PRKN: variants seen among roughly 807,000 people sequenced by gnomAD.
The protein encoded by PRKN is E3 ubiquitin-protein ligase parkin.
A neutral mutation model predicts 59.5 loss-of-function variants in PRKN; 56 were observed. The ratio of observed to expected loss-of-function variants is 0.94; its 90% CI spans 0.76 to 1.18. PRKN has a LOEUF of 1.18. Among genes scored for constraint, PRKN ranks in the 50% most tolerant of loss-of-function variants. The pLI is 0.00. For synonymous variants in PRKN, 250 were observed against 222.1 expected (o/e 1.13, Z -1.12); for missense variants, 657 against 596.4 (o/e 1.10, Z -1.06).
intron 8 of PRKN, among the ~76,000 whole-genome samples, chr6:161,553,553 C>T (rs2115440719): frequency 6.6e-6 from 1 of 152,238 alleles, no homozygotes; most frequent in Non-Finnish European, 1.5e-5. Context: ...GAAAGCTTAG[C>T]AGTCATTAAT....
chr6:161,418,218 G>A lies in PRKN; in HGVS notation c.1084-31341C>T, dbSNP rs572296463. Among the ~76,000 whole-genome samples the A allele has an allele frequency of 2.6e-5, 4 of 152,332 alleles. No homozygotes were observed. The East Asian group carries it at 7.7e-4, about 29-fold the overall frequency. ...AATGAGTTAGACAGATAACGTGTTT[G>A]AAGCAGCCTCTGCCAATCTGTTTAC... is the stretch of plus-strand genomic sequence containing the variant. On this transcript the variant is annotated intron_variant, in intron 9 of 11. Transcript: ENST00000366898.
intron 4 of PRKN, among the ~76,000 whole-genome samples, chr6:162,097,682 A>G (rs1779801480): frequency 6.6e-6 from 1 of 152,204 alleles, no homozygotes; most frequent in Non-Finnish European, 1.5e-5. Flanking sequence ...AAAAAATGTG[A>G]GCACACAGCC....
chr6:162,469,361 G>A (rs1440050971), intron 1 of PRKN, among the ~76,000 whole-genome samples: 1 of 134,366 alleles, frequency 7.4e-6, no homozygotes, highest in Non-Finnish European at 1.6e-5. Context: ...GGGGGGGGTG[G>A]GTGACAGAGG....
intron 7 of PRKN, among the ~76,000 whole-genome samples, chr6:161,769,593 G>A (rs1789577570): frequency 6.6e-6 from 1 of 152,138 alleles, no homozygotes; most frequent in South Asian, 2.1e-4. Context: ...GTCCATTACT[G>A]AGACTCCCTC....
intron 1 of PRKN, among the ~76,000 whole-genome samples, chr6:162,522,868 T>A (rs1020050777): frequency 1.3e-5 from 2 of 152,108 alleles, no homozygotes; most frequent in Admixed American, 1.3e-4. Flanking sequence ...AGAAGGCATT[T>A]CAGTTGGACC....
intron 5 of PRKN, among the ~76,000 whole-genome samples, chr6:162,013,997 AGG>A (rs1782834212): frequency 6.6e-6 from 1 of 152,042 alleles, no homozygotes; most frequent in Non-Finnish European, 1.5e-5. Context: ...TACATTAACA[AGG>A]TTCCAAAGGT....
chr6:162,654,625 C>A (rs1778569322), intron 1 of PRKN, among the ~76,000 whole-genome samples: 1 of 152,174 alleles, frequency 6.6e-6, no homozygotes, highest in Non-Finnish European at 1.5e-5. Context: ...CTGATTCATT[C>A]AAGAGAAAAC....
At position 161,359,380 on chromosome 6, in the gene PRKN, C is replaced by T. The variant is rs1784890561; in HGVS notation, c.1285+708G>A. 6.6e-6 allele frequency among the ~76,000 whole-genome samples: 1 copy of T among 152,228 alleles called. No homozygotes were observed. ...GCCGGGCTTCCCTCCCGCAAGTCAG[C>T]TCTGGGCAACCTGCCAGCCAGGGCG... On this transcript the variant is annotated intron_variant, in intron 11 of 11. Coordinates refer to ENST00000366898, the MANE Select transcript of PRKN (RefSeq NM_004562.3). This position sits in a 1 kb window ranked among gnomAD's most constrained non-coding sequence, Gnocchi z 5.4.
intron 7 of PRKN, among the ~76,000 whole-genome samples, chr6:161,589,536 C>G (rs1781639567): frequency 6.6e-6 from 1 of 151,226 alleles, no homozygotes; most frequent in East Asian, 1.9e-4. Context: ...AGGTAGATAA[C>G]TCGTGGTCAA....
chr6:161,465,962 T>C (rs556778690), intron 9 of PRKN, among the ~76,000 whole-genome samples: 11 of 152,224 alleles, frequency 7.2e-5, no homozygotes, highest in Non-Finnish European at 1.2e-4. Flanking sequence ...ATAATAATCA[T>C]ATATTCAACA....
At chr6:162,400,969 G>A (rs1160233714) in intron 2 of PRKN, among the ~76,000 whole-genome samples, 1 of 151,994 alleles carries the variant, frequency 6.6e-6, no homozygotes, top group Non-Finnish European at 1.5e-5. Context: ...AATAAAATAG[G>A]AAATCCAAAT....
chr6:161,796,893 A>G (rs1790873069), intron 6 of PRKN, among the ~76,000 whole-genome samples: 1 of 152,230 alleles, frequency 6.6e-6, no homozygotes. Context: ...CTCTGTGCAA[A>G]ACAGCTAGAA....
intron 1 of PRKN, among the ~76,000 whole-genome samples, chr6:162,469,821 C>T (rs148092452): frequency 1.3e-3 from 205 of 152,024 alleles, no homozygotes; most frequent in African/African-American, 4.7e-3. Flanking sequence ...TCTCACAAAT[C>T]GCTACTAAAG....
rs982444240 is a variant in PRKN, at chr6:161,529,473, C to T, written c.1083+19381G>A. ...CCTCCTTTTGTAGAGGAACGGGAAA[C>T]AGTGGCACAGGAAAGGTGAAATGGC... On this transcript the variant is annotated intron_variant, in intron 9 of 11. Coordinates refer to ENST00000366898, the MANE Select transcript of PRKN (RefSeq NM_004562.3). The surrounding 1 kb of genome is among the most constrained non-coding windows in gnomAD (Gnocchi z 4.4). 2.0e-5 allele frequency among the ~76,000 whole-genome samples: 3 copies of T among 152,184 alleles called. No individual in the cohort carries two copies. The highest frequency in any genetic ancestry group is 6.5e-5 in the Admixed American group (1 of 15,276).
At chr6:161,761,103 C>T (rs1286865811) in intron 7 of PRKN, among the ~76,000 whole-genome samples, 3 of 152,188 alleles carry the variant, frequency 2.0e-5, no homozygotes, top group African/African-American at 7.2e-5. Flanking sequence ...AAATTAATGT[C>T]CCAGTCCTAA....
At chr6:162,258,512 C>T (rs562422919) in intron 3 of PRKN, among the ~76,000 whole-genome samples, 4 of 137,904 alleles carry the variant, frequency 2.9e-5, no homozygotes, top group Non-Finnish European at 4.5e-5. Context: ...TGCAGCTCAA[C>T]GTTCTTATTG....
intron 9 of PRKN, among the ~76,000 whole-genome samples, chr6:161,437,805 G>A (rs1312759418): frequency 6.6e-6 from 1 of 152,160 alleles, no homozygotes; most frequent in African/African-American, 2.4e-5. Flanking sequence ...GTGACATGCA[G>A]AAAATAAGCA....
chr6:162,351,428 G>T (rs182208711), intron 2 of PRKN, among the ~76,000 whole-genome samples: 1 of 152,238 alleles, frequency 6.6e-6, no homozygotes, highest in East Asian at 1.9e-4. Flanking sequence ...TTAAAAGGTA[G>T]ACCAAACCAA....
chr6:162,562,180 T>C (rs1382946576), intron 1 of PRKN, among the ~76,000 whole-genome samples: 1 of 152,134 alleles, frequency 6.6e-6, no homozygotes, highest in Non-Finnish European at 1.5e-5. Flanking sequence ...ACAACATTTC[T>C]AGACACACTC....
Sources: gnomAD v4.1 joint callset for allele counts (sites outside exome capture counted in the v4.1 genomes callset) on GRCh38, gnomAD v4.1.1 for gene constraint, Gnocchi (gnomAD v3.1) non-coding constraint, MANE v1.5 for transcripts, NCBI Gene and HGNC (gene_info 2026-07-23, HGNC 2026-07-21) for gene names.